The following EZR variants were observed in gnomAD, a reference collection of about 807,000 sequenced individuals.
EZR encodes ezrin.
A neutral mutation model predicts 74.8 loss-of-function variants in EZR; 40 were observed. The ratio of observed to expected loss-of-function variants is 0.53; its 90% CI spans 0.42 to 0.70. The LOEUF (loss-of-function observed/expected upper bound fraction) is 0.70. Among genes scored for constraint, EZR ranks in the 30% least tolerant of loss-of-function variants. The pLI is 0.00. For missense variants in EZR, 678 were observed against 755.8 expected, an observed-to-expected ratio of 0.90 and a Z score of 1.21; for synonymous variants, 341 against 283.3, an observed-to-expected ratio of 1.20 and a Z score of -2.05.
chr6:158,768,877 G>A (rs1791003906), intron 12 of EZR, among the ~76,000 whole-genome samples: 1 of 152,212 alleles, frequency 6.6e-6, no homozygotes, highest in African/African-American at 2.4e-5. Context: ...CCAGCCTGGA[G>A]ACGTCCAAGG....
intron 2 of EZR, among the ~76,000 whole-genome samples, chr6:158,796,049 G>T (rs887753840): frequency 3.9e-5 from 6 of 152,182 alleles, no homozygotes; most frequent in Admixed American, 1.3e-4. Context: ...CAGTAGAGGT[G>T]TAAGTACCCC....
In EZR at chr6:158,819,337, T is replaced by TGTGCTCCCC. The variant is rs1327074734; in HGVS notation, c.-103_-95dup. 2 of 152,572 alleles carry TGTGCTCCCC rather than the reference T, an allele frequency of 1.3e-5. No individual in the cohort carries two copies. The highest frequency in any genetic ancestry group is 4.8e-5 in the African/African-American group (2 of 41,362). 9.5% of individuals were successfully genotyped at this position (152,572 alleles called of 1,614,324 possible). A position where few individuals can be genotyped will look rare whatever the true frequency, so the allele number is the denominator to read the frequency against. On this transcript the variant is annotated 5_prime_UTR_variant, in exon 1 of 14. Coordinates refer to ENST00000367075, the MANE Select transcript of EZR (RefSeq NM_001111077.2). Reference sequence around the variant, plus strand: ...CTCACCCGGCGCCTGCAGTGCTCCGTGTGCTCCCCGCCGCCCTTGCGTCCG... The same window carrying TGTGCTCCCC: ...CTCACCCGGCGCCTGCAGTGCTCCGTGTGCTCCCCGTGCTCCCCGCCGCCCTTGCGTCCG...
chr6:158,772,528 G>A (rs1223528752), intron 8 of EZR, among the ~76,000 whole-genome samples: 1 of 152,182 alleles, frequency 6.6e-6, no homozygotes, highest in Non-Finnish European at 1.5e-5. Flanking sequence ...TGCCTTGCAA[G>A]ACCACAACCA....
At chr6:158,789,222 TAACTG>T in intron 3 of EZR, 61 bp downstream of exon 3, 1 of 1,217,946 alleles carries the variant, frequency 8.2e-7, no homozygotes. Flanking sequence ...GCAAACAAAA[TAACTG>T]AAATGTTGCA....
rs111935636 is a variant in EZR, at chr6:158,771,119, G to A, written c.959+125C>T. 523 of 1,407,090 alleles carry A rather than the reference G, an allele frequency of 3.7e-4. 2 individuals carry two copies. The African/African-American group carries it at 6.3e-3, about 17-fold the overall frequency. The allele number at this position is 1,407,090 out of a possible 1,614,324, so 87.2% of individuals were successfully genotyped here. On this transcript the variant is annotated intron_variant, in intron 9 of 13. Transcript: ENST00000367075. ...AGACAAAGGCCTCGAAGATCCCAGC[G>A]TGGTGACTGGGTTCCATTCCACCAC... is the stretch of plus-strand genomic sequence containing the variant.
At position 158,787,141 on chromosome 6, in the gene EZR, T is replaced by A; in HGVS notation, c.159A>T (p.Lys53Asn). Residue 53 changes from lysine to asparagine, a missense_variant, in exon 4 of 14, where the codon AAA becomes AAT. Physicochemically the swap from Lys to Asn is moderately conservative, Grantham distance 94 (BLOSUM62 0). Transcript: ENST00000367075. ...CCAGCTTCAGCCAGGTAGGAAATCC[T>A]TTATTATCCACATAGTGGAGGCCAA... is the stretch of plus-strand genomic sequence containing the variant. ...WYFGLHYVDN[K>N]GFPTWLKLDK... 1 of 1,613,606 alleles carries A rather than the reference T, an allele frequency of 6.2e-7. No homozygotes were observed. The highest frequency in any genetic ancestry group is 2.2e-5 in the East Asian group (1 of 44,878).
intron 7 of EZR, 55 bp from the exon 8 acceptor site, chr6:158,776,559 G>T: frequency 7.9e-7 from 1 of 1,260,106 alleles, no homozygotes; most frequent in Non-Finnish European, 1.1e-6. Flanking sequence ...TTCTTGGATT[G>T]GCTAAGAGAG....
At chr6:158,817,992 C>T (rs530513072) in intron 2 of EZR, 90 bp downstream of exon 2, 4 of 1,341,778 alleles carry the variant, frequency 3.0e-6, no homozygotes, top group East Asian at 2.5e-5. Flanking sequence ...AACCCTGTTC[C>T]CCAGGAACTG....
chr6:158,775,864 G>A (rs947602818), intron 8 of EZR, among the ~76,000 whole-genome samples: 2 of 152,250 alleles, frequency 1.3e-5, no homozygotes, highest in Non-Finnish European at 2.9e-5. Flanking sequence ...AGGACATAAA[G>A]TGTCGCCTTC....
intron 2 of EZR, among the ~76,000 whole-genome samples, chr6:158,794,378 A>G (rs538281786): frequency 2.6e-5 from 4 of 152,228 alleles, no homozygotes; most frequent in African/African-American, 9.6e-5. Context: ...CCAACTTTCC[A>G]TTTTATTATC....
At chr6:158,817,500 C>G (rs1487798928) in intron 2 of EZR, among the ~76,000 whole-genome samples, 1 of 152,252 alleles carries the variant, frequency 6.6e-6, no homozygotes, top group Admixed American at 6.5e-5. Context: ...AAGTCCATGG[C>G]TAACCTTCTG....
At chr6:158,780,384 C>A (rs1791404291) in intron 7 of EZR, among the ~76,000 whole-genome samples, 1 of 152,150 alleles carries the variant, frequency 6.6e-6, no homozygotes, top group Non-Finnish European at 1.5e-5. Context: ...TCTAGTATAT[C>A]ATATGCACTT....
At chr6:158,796,744 C>T (rs1777080611) in intron 2 of EZR, among the ~76,000 whole-genome samples, 1 of 152,348 alleles carries the variant, frequency 6.6e-6, no homozygotes, top group Middle Eastern at 3.4e-3. Context: ...TGCCTGTCTG[C>T]CATGTTGATG....
rs112474814 is a variant in EZR at position 158,797,585 on chromosome 6, C to CT, written c.13-8215dup. ...TCTTCCGAAGGTGCCACTTCAGCAA[C>CT]TTTTAACAGCTTTCAAATATTTGGA... On this transcript the variant is annotated intron_variant, in intron 2 of 13. Transcript: ENST00000367075. Among the ~76,000 whole-genome samples, 813 of 152,260 alleles carry CT rather than the reference C, an allele frequency of 5.3e-3. 5 individuals are homozygous for CT. The highest frequency in any genetic ancestry group is 0.019 in the African/African-American group (770 of 41,542).
At chr6:158,797,411 G>T (rs143965911) in intron 2 of EZR, among the ~76,000 whole-genome samples, 6 of 152,188 alleles carry the variant, frequency 3.9e-5, no homozygotes, top group African/African-American at 1.4e-4. Context: ...GGATTCAGTG[G>T]TTAACAGATT....
intron 7 of EZR, among the ~76,000 whole-genome samples, chr6:158,778,523 G>T (rs901564928): frequency 1.3e-5 from 2 of 152,178 alleles, no homozygotes; most frequent in African/African-American, 4.8e-5. Context: ...TTTCCTAAGA[G>T]ATCACATATA....
At chr6:158,818,726 C>A (rs1178534023) in intron 1 of EZR, among the ~76,000 whole-genome samples, 2 of 147,482 alleles carry the variant, frequency 1.4e-5, no homozygotes, top group African/African-American at 5.0e-5. Context: ...AGGGAGCGCG[C>A]GCCTGGGAGA....
intron 7 of EZR, 150 bp from the exon 8 acceptor site, chr6:158,776,654 T>G (rs1791288391): frequency 1.6e-6 from 1 of 626,120 alleles, no homozygotes; most frequent in Non-Finnish European, 2.7e-6. Context: ...TATTATCAAA[T>G]AGTTCCCACC....
At chr6:158,786,164 G>A (rs1562497196) in intron 4 of EZR, among the ~76,000 whole-genome samples, 1 of 152,164 alleles carries the variant, frequency 6.6e-6, no homozygotes, top group Non-Finnish European at 1.5e-5. Flanking sequence ...ACGAGGTCAG[G>A]AGTTCGAGAC....
Sources: gnomAD v4.1 joint callset for allele counts (sites outside exome capture counted in the v4.1 genomes callset) on GRCh38, gnomAD v4.1.1 for gene constraint, MANE v1.5 for transcripts, NCBI Gene and HGNC (gene_info 2026-07-23, HGNC 2026-07-21) for gene names.